STARD13: variants seen among roughly 807,000 people sequenced by gnomAD.
STARD13 encodes stAR-related lipid transfer protein 13.
In STARD13, 62 loss-of-function variants were observed where a neutral mutation model predicts 106.4. That is an observed-to-expected ratio of 0.58 (90% CI 0.48 to 0.72). STARD13 has a LOEUF of 0.72. Among genes scored for constraint, STARD13 ranks in the 30% least tolerant of loss-of-function variants. STARD13 has a pLI of 0.00. For synonymous variants in STARD13, 565 were observed against 553.0 expected (o/e 1.02, Z -0.31); for missense variants, 1,387 against 1,424.0 (o/e 0.97, Z 0.42).
At chr13:33,178,889 G>A (rs1264307921) in intron 1 of STARD13, among the ~76,000 whole-genome samples, 1 of 152,090 alleles carries the variant, frequency 6.6e-6, no homozygotes, top group Non-Finnish European at 1.5e-5. Flanking sequence ...ATGAATATCT[G>A]GAGTCTATGT....
At chr13:33,351,319 A>C (rs1217145581), upstream of STARD13, among the ~76,000 whole-genome samples, 1 of 152,238 alleles carries the variant, frequency 6.6e-6, no homozygotes, top group Non-Finnish European at 1.5e-5. Context: ...ATTATGAAGA[A>C]GTGAAATATG....
chr13:33,448,948 T>C, the STARD13 span, among the ~76,000 whole-genome samples: 536 of 152,206 alleles, frequency 3.5e-3, 2 homozygotes, highest in African/African-American at 0.013. Flanking sequence ...GTTGTTGTTG[T>C]TGAGTTGTTT....
intron 4 of STARD13, among the ~76,000 whole-genome samples, chr13:33,141,990 A>G (rs1471688419): frequency 2.6e-5 from 4 of 152,216 alleles, no homozygotes; most frequent in East Asian, 3.8e-4. Context: ...GAGAATACAC[A>G]TGGATGGTCA....
intron 9 of STARD13, among the ~76,000 whole-genome samples, chr13:33,112,435 A>G (rs922298210): frequency 6.6e-6 from 1 of 152,124 alleles, no homozygotes; most frequent in African/African-American, 2.4e-5. Flanking sequence ...TCTATAATCT[A>G]TTATCTATCT....
the STARD13 span, among the ~76,000 whole-genome samples, chr13:33,617,484 C>T: frequency 6.6e-6 from 1 of 152,194 alleles, no homozygotes; most frequent in African/African-American, 2.4e-5. Context: ...ATAAATCCTT[C>T]TTGTATTTTG....
chr13:33,512,477 T>G, the STARD13 span, among the ~76,000 whole-genome samples: 1 of 151,822 alleles, frequency 6.6e-6, no homozygotes, highest in East Asian at 1.9e-4. Context: ...TCTTTTTTTC[T>G]TTTTTTTGAG....
At chr13:33,279,932 C>T (rs1373011969) in intron 1 of STARD13, 1 of 151,926 alleles carries the variant, frequency 6.6e-6, no homozygotes, top group Non-Finnish European at 1.5e-5. Context: ...GAAAGAGGCT[C>T]TGATTCATGA....
intron 1 of STARD13, among the ~76,000 whole-genome samples, chr13:33,318,124 T>C (rs1182952306): frequency 1.3e-5 from 2 of 152,198 alleles, no homozygotes; most frequent in Non-Finnish European, 2.9e-5. Flanking sequence ...TTCAGCAAGA[T>C]ATTTTACACC....
At chr13:33,194,931 T>A (rs904387919) in intron 1 of STARD13, among the ~76,000 whole-genome samples, 1 of 152,276 alleles carries the variant, frequency 6.6e-6, no homozygotes, top group African/African-American at 2.4e-5. Flanking sequence ...ATATGTTATG[T>A]GAACAGCAAT....
chr13:33,338,176 TACA>T (rs996526658), intron 1 of STARD13, among the ~76,000 whole-genome samples: 5 of 152,294 alleles, frequency 3.3e-5, no homozygotes, highest in South Asian at 2.1e-4. Context: ...TTTCCTAGGG[TACA>T]CTTATGGGCT....
At chr13:33,147,171 C>T (rs1023607015) in intron 3 of STARD13, among the ~76,000 whole-genome samples, 1 of 152,164 alleles carries the variant, frequency 6.6e-6, no homozygotes, top group African/African-American at 2.4e-5. Flanking sequence ...TTGAGCCAAA[C>T]AAGATGCTAA....
chr13:33,674,827 A>G, the STARD13 span, among the ~76,000 whole-genome samples: 4 of 152,322 alleles, frequency 2.6e-5, no homozygotes, highest in African/African-American at 4.8e-5. Flanking sequence ...TTAAAACAAG[A>G]AAAGAAATTG....
At chr13:33,365,607 C>T in the STARD13 span, among the ~76,000 whole-genome samples, 1 of 152,108 alleles carries the variant, frequency 6.6e-6, no homozygotes, top group East Asian at 1.9e-4. Flanking sequence ...TAAAATGCCA[C>T]GATTTCATCA....
At chr13:33,442,929 C>T in the STARD13 span, among the ~76,000 whole-genome samples, 1 of 152,096 alleles carries the variant, frequency 6.6e-6, no homozygotes, top group Non-Finnish European at 1.5e-5. Context: ...CTTAAAATCA[C>T]AGGATGCCAG....
At chr13:33,382,668 G>A in the STARD13 span, among the ~76,000 whole-genome samples, 2 of 152,058 alleles carry the variant, frequency 1.3e-5, no homozygotes, top group African/African-American at 4.8e-5. Context: ...TACATATATT[G>A]GCTATAGCCT....
At chr13:33,304,884 T>A (rs1393640412) in intron 1 of STARD13, among the ~76,000 whole-genome samples, 1 of 152,232 alleles carries the variant, frequency 6.6e-6, no homozygotes, top group Non-Finnish European at 1.5e-5. Flanking sequence ...ACTGATCATC[T>A]ACCATGGGTT....
At chr13:33,200,028 G>A (rs542473256) in intron 1 of STARD13, among the ~76,000 whole-genome samples, 11 of 152,236 alleles carry the variant, frequency 7.2e-5, no homozygotes, top group Admixed American at 4.6e-4. Flanking sequence ...TGAGGCAGTA[G>A]AGCATGTTTG....
intron 1 of STARD13, among the ~76,000 whole-genome samples, chr13:33,189,426 CCTCCTTT>C (rs1288869494): frequency 0.012 from 223 of 19,042 alleles, no homozygotes; most frequent in African/African-American, 0.025. Context: ...TTCCCTCCTT[CCTCCTTT>C]CGGAGGAAGG....
intron 3 of STARD13, among the ~76,000 whole-genome samples, chr13:33,157,633 G>GCA (rs1214951271): frequency 6.6e-6 from 1 of 152,182 alleles, no homozygotes; most frequent in Non-Finnish European, 1.5e-5. Flanking sequence ...TTGCACCACT[G>GCA]CACTCCAGCC....
Sources: gnomAD v4.1 joint callset for allele counts (sites outside exome capture counted in the v4.1 genomes callset) on GRCh38, gnomAD v4.1.1 for gene constraint, MANE v1.5 for transcripts, NCBI Gene and HGNC (gene_info 2026-07-23, HGNC 2026-07-21) for gene names.